The following RAB11FIP3 variants were observed in gnomAD, a reference collection of about 807,000 sequenced individuals.
RAB11FIP3 encodes RAB11 family interacting protein 3, also known as rab11 family-interacting protein 3.
RAB11FIP3 carries 17 observed loss-of-function variants against 77.8 expected under a neutral mutation model. That is an observed-to-expected ratio of 0.22 (90% CI 0.15 to 0.33). The LOEUF (loss-of-function observed/expected upper bound fraction) is 0.33, where lower values mean the gene tolerates loss of function less well. Ranked by LOEUF, RAB11FIP3 falls within the 10% of genes least tolerant of loss-of-function variation. The pLI is 1.00. For missense variants in RAB11FIP3, 1,005 were observed against 1,011.2 expected (o/e 0.99, Z 0.08); for synonymous variants, 437 against 448.2 (o/e 0.98, Z 0.31).
At chr16:490,104 C>CAAA in intron 5 of RAB11FIP3, among the ~76,000 whole-genome samples, 1 of 152,224 alleles carries the variant, frequency 6.6e-6, no homozygotes, top group East Asian at 1.9e-4. Flanking sequence ...GTCTCCTGTT[C>CAAA]AGTGTTTTCA....
intron 1 of RAB11FIP3, among the ~76,000 whole-genome samples, chr16:459,687 G>A (rs1318589947): frequency 5.3e-5 from 8 of 152,060 alleles, no homozygotes; most frequent in Non-Finnish European, 1.2e-4. Context: ...TCCCATCTCA[G>A]CCTCTCAAAG....
chr16:434,340 T>C (rs1485740682), intron 1 of RAB11FIP3, among the ~76,000 whole-genome samples: 1 of 152,212 alleles, frequency 6.6e-6, no homozygotes, highest in Non-Finnish European at 1.5e-5. Context: ...CCCAGGCTGG[T>C]CTCGCGCTCC....
At chr16:520,011 C>T (rs1443976481) in intron 11 of RAB11FIP3, 111 bp from the exon 12 acceptor site, 4 of 1,519,320 alleles carry the variant, frequency 2.6e-6, no homozygotes, top group African/African-American at 1.4e-5. Flanking sequence ...TGGTGTGTGT[C>T]GTCCTCCCGA....
At chr16:468,180 G>T (rs1191372109) in intron 2 of RAB11FIP3, among the ~76,000 whole-genome samples, 7 of 108,466 alleles carry the variant, frequency 6.5e-5, no homozygotes, top group Non-Finnish European at 1.1e-4. Flanking sequence ...AGGTGCAGGG[G>T]CGTCAGGGAG....
rs533960557 is a variant in RAB11FIP3, at chr16:446,340, C to T, written c.715-15064C>T. On this transcript the variant is annotated intron_variant, in intron 1 of 13. Transcript: ENST00000262305. The stretch of plus-strand genomic sequence containing the variant: ...GTCTATGTGAAGCAGAACAGTGGTA[C>T]CCAGAGAGGCAGGGCACTGAGGCTT... Among the ~76,000 whole-genome samples the T allele has an allele frequency of 5.9e-5, 9 of 152,300 alleles. No individual in the cohort carries two copies. The South Asian group carries it at 1.7e-3, about 28-fold the overall frequency.
At chr16:433,893 A>G (rs1174957534) in intron 1 of RAB11FIP3, among the ~76,000 whole-genome samples, 1 of 151,538 alleles carries the variant, frequency 6.6e-6, no homozygotes, top group African/African-American at 2.4e-5. Flanking sequence ...GTGTATCTAT[A>G]TTACATTTTC....
At chr16:491,354 G>A (rs760542555) in intron 5 of RAB11FIP3, 5 of 1,231,272 alleles carry the variant, frequency 4.1e-6, no homozygotes, top group South Asian at 1.3e-5. Context: ...GGCCTGCCCC[G>A]AGGCGACCAG....
chr16:487,754 G>A (rs981188799), intron 4 of RAB11FIP3, among the ~76,000 whole-genome samples: 36 of 152,192 alleles, frequency 2.4e-4, no homozygotes, highest in African/African-American at 8.2e-4. Context: ...CATGGCCCCC[G>A]GCCGCTGTGT....
At position 514,905 on chromosome 16, in the gene RAB11FIP3, C is replaced by T. The variant is rs188304211; in HGVS notation, c.1641-4038C>T. Reference sequence around the variant, plus strand: ...ACAGAGTGAACTGGGTGAACGTGGCCCTGGTGTGTGGTGCTTTCTAGCAGC... The same window carrying T: ...ACAGAGTGAACTGGGTGAACGTGGCTCTGGTGTGTGGTGCTTTCTAGCAGC... On this transcript the variant is annotated intron_variant, in intron 9 of 13. Transcript: ENST00000262305. This position sits in a 1 kb window ranked among gnomAD's most constrained non-coding sequence, Gnocchi z 4.6. Among the ~76,000 whole-genome samples, 78 of 152,328 alleles carry T rather than the reference C, an allele frequency of 5.1e-4. No homozygotes were observed. Among genetic ancestry groups the T allele is most frequent in the Middle Eastern group, 3.4e-3 (1 of 294 alleles).
chr16:518,501 C>T (rs1191105886), intron 9 of RAB11FIP3, among the ~76,000 whole-genome samples: 2 of 149,906 alleles, frequency 1.3e-5, no homozygotes, highest in South Asian at 2.1e-4. Context: ...CTGAGGCAAG[C>T]GGATCATGAG....
In RAB11FIP3 at chr16:510,757, A is replaced by T. The variant is rs1340824673; in HGVS notation, c.1597A>T (p.Met533Leu). The change falls in exon 9 of 14, where the codon ATG becomes TTG. Residue 533 changes from methionine to leucine, a missense_variant. By Grantham distance (15) the Met-to-Leu change is conservative. Transcript: ENST00000262305. ...TRRQKELLCK[M>L]EREKSIEIEN... ...GCGTCAGAAGGAGCTCCTGTGCAAG[A>T]TGGAGAGGGAGAAGAGCATTGAGAT... 1.2e-5 allele frequency: 20 copies of T among 1,613,410 alleles called. No individual in the cohort carries two copies. The highest frequency in any genetic ancestry group is 1.5e-5 in the Non-Finnish European group (18 of 1,179,856).
Position 520,441 on chromosome 16 carries a change from A to G in RAB11FIP3, c.2017-18A>G. On this transcript the variant is annotated intron_variant, in intron 12 of 13. Transcript: ENST00000262305. ...CAGCAGGGGCCACAGCCCAGTAGTG[A>G]TGTTGCTGTGCCTTCAGGACAACCG... 6.2e-7 allele frequency: 1 copy of G among 1,612,866 alleles called. No individual in the cohort carries two copies. The highest frequency in any genetic ancestry group is 8.5e-7 in the Non-Finnish European group (1 of 1,179,868).
At chr16:498,014 C>T (rs1252448130) in intron 6 of RAB11FIP3, among the ~76,000 whole-genome samples, 3 of 151,006 alleles carry the variant, frequency 2.0e-5, no homozygotes, top group Non-Finnish European at 3.0e-5. Flanking sequence ...CTGCGTTGCC[C>T]AGGCTGTAGT....
intron 9 of RAB11FIP3, among the ~76,000 whole-genome samples, chr16:515,493 C>T (rs2032360518): frequency 1.3e-5 from 2 of 151,638 alleles, no homozygotes; most frequent in Non-Finnish European, 1.5e-5. Context: ...TGACACGGAC[C>T]GGGGTTCGCA....
chr16:471,578 C>T lies in RAB11FIP3; in HGVS notation c.903+189C>T, dbSNP rs956563258. Among the ~76,000 whole-genome samples, 3 of 152,110 alleles carry T rather than the reference C, an allele frequency of 2.0e-5. No individual in the cohort carries two copies. The highest frequency in any genetic ancestry group is 4.8e-5 in the African/African-American group (2 of 41,426). The stretch of plus-strand genomic sequence containing the variant: ...GAGGCCCACAGTTGTCTGTCCCACA[C>T]GCCCTGTCAGCCTGGGCAGGAATCC... On this transcript the variant is annotated intron_variant, in intron 3 of 13. Transcript: ENST00000262305. The surrounding 1 kb of genome is among the most constrained non-coding windows in gnomAD (Gnocchi z 4.4).
At position 426,558 on chromosome 16, in the gene RAB11FIP3, C is replaced by G; in HGVS notation, c.552C>G (p.Pro184=). ...LEQGPGSPPQ[P]SDLSQTHPLP... The stretch of plus-strand genomic sequence containing the variant: ...AAGGTCCCGGGTCCCCGCCGCAGCC[C>G]TCGGACCTCAGCCAGACCCACCCCC... The change falls in exon 1 of 14, where the codon CCC becomes CCG. Residue 184 remains proline, a synonymous_variant. Transcript: ENST00000262305. This position sits in a 1 kb window ranked among gnomAD's most constrained non-coding sequence, Gnocchi z 5.0. 1 of 1,587,242 alleles carries G rather than the reference C, an allele frequency of 6.3e-7. No individual in the cohort carries two copies. Among genetic ancestry groups the G allele is most frequent in the Non-Finnish European group, 8.6e-7 (1 of 1,168,812 alleles).
chr16:485,441 C>T (rs2056134961), intron 4 of RAB11FIP3, among the ~76,000 whole-genome samples: 1 of 152,134 alleles, frequency 6.6e-6, no homozygotes, highest in South Asian at 2.1e-4. Context: ...AAGATGGAGT[C>T]TAGCTCTGTC....
chr16:441,471 CG>C (rs2055225778), intron 1 of RAB11FIP3, among the ~76,000 whole-genome samples: 1 of 152,116 alleles, frequency 6.6e-6, no homozygotes, highest in African/African-American at 2.4e-5. Flanking sequence ...TAAGTCCTGC[CG>C]ATTCATTCAA....
intron 1 of RAB11FIP3, among the ~76,000 whole-genome samples, chr16:428,036 G>A (rs2054979712): frequency 6.6e-6 from 1 of 151,796 alleles, no homozygotes; most frequent in Admixed American, 6.6e-5. Context: ...GGGAGGCGGA[G>A]CTTGCAGTGA....
Sources: allele counts gnomAD v4.1 joint callset (sites outside exome capture counted in the v4.1 genomes callset), GRCh38; gene constraint gnomAD v4.1.1; non-coding constraint Gnocchi (gnomAD v3.1); transcripts MANE v1.5; gene names NCBI Gene and HGNC (gene_info 2026-07-23, HGNC 2026-07-21).